CELF6: variants seen among roughly 807,000 people sequenced by gnomAD.
CELF6 encodes CUGBP Elav-like family member 6.
Under a neutral mutation model 53.1 loss-of-function variants are expected in CELF6, and 32 were observed. That is an observed-to-expected ratio of 0.60 (90% CI 0.46 to 0.81). CELF6 has a LOEUF of 0.81. Ranked by LOEUF, CELF6 falls within the 30% of genes least tolerant of loss-of-function variation. CELF6 has a pLI of 0.00. For synonymous variants in CELF6, 291 were observed against 288.8 expected (o/e 1.01, Z -0.08); for missense variants, 539 against 669.5 (o/e 0.81, Z 2.15).
chr15:72,290,388 C>A, intron 3 of CELF6, 133 bp from the exon 4 acceptor site: 1 of 1,109,532 alleles, frequency 9.0e-7, no homozygotes. Flanking sequence ...CCCTGGGCTT[C>A]CAGGGTTGGT....
intron 3 of CELF6, among the ~76,000 whole-genome samples, chr15:72,297,528 A>C (rs1177206909): frequency 6.6e-6 from 1 of 152,254 alleles, no homozygotes; most frequent in African/African-American, 2.4e-5. Context: ...GGATAAACAA[A>C]ATGTGGTATA....
chr15:72,300,361 T>TAA (rs775512638), intron 3 of CELF6, among the ~76,000 whole-genome samples: 3 of 108,900 alleles, frequency 2.8e-5, no homozygotes, highest in Admixed American at 1.9e-4. Flanking sequence ...ACACTGTCTC[T>TAA]AAAAAAAAAA....
At chr15:72,302,931 C>T (rs2088177497) in intron 3 of CELF6, among the ~76,000 whole-genome samples, 1 of 152,188 alleles carries the variant, frequency 6.6e-6, no homozygotes, top group African/African-American at 2.4e-5. Flanking sequence ...CCTGGACTTC[C>T]CCTTGAAAGC....
chr15:72,288,887 A>G lies in CELF6; in HGVS notation c.1074T>C (p.Ala358=). The G allele has an allele frequency of 6.4e-7, 1 of 1,550,910 alleles. No individual in the cohort carries two copies. The highest frequency in any genetic ancestry group is 8.7e-7 in the Non-Finnish European group (1 of 1,147,034). ...GVADPLQQAY[A]GMHHYAAAYP... ...TGAAACCTGCGTAGTGGTGCATCCCAGCGTAGGCCTGCTGCAGGGGGTCAG... is the reference window on the plus strand; with the variant it reads ...TGAAACCTGCGTAGTGGTGCATCCCGGCGTAGGCCTGCTGCAGGGGGTCAG... Residue 358 remains alanine, a synonymous_variant, in exon 9 of 13, where the codon GCT becomes GCC. Transcript: ENST00000287202. The surrounding 1 kb of genome is among the most constrained non-coding windows in gnomAD (Gnocchi z 4.6).
chr15:72,289,718 G>T lies in CELF6; in HGVS notation c.656C>A (p.Ala219Glu). 6.8e-7 allele frequency: 1 copy of T among 1,481,144 alleles called. No individual in the cohort carries two copies. Among genetic ancestry groups the T allele is most frequent in the Non-Finnish European group, 8.9e-7 (1 of 1,124,910 alleles). 91.8% of individuals were successfully genotyped at this position (1,481,144 alleles called of 1,614,324 possible). A position where few individuals can be genotyped will look rare whatever the true frequency, so the allele number is the denominator to read the frequency against. ...GGCCATCTGCTGCATCCGCCGCAGC[G>T]CGCGCTCCCGGTCGGTGTCCGCCAG... ...VKLADTDRER[A>E]LRRMQQMAGH... The change falls in exon 6 of 13, where the codon GCG becomes GAG. Residue 219 changes from alanine (A) to glutamate (E), a missense_variant. Transcript: ENST00000287202. The surrounding 1 kb of genome is among the most constrained non-coding windows in gnomAD (Gnocchi z 7.6).
Position 72,319,500 on chromosome 15 carries a change from T to G in CELF6, c.262+113A>C. The G allele has an allele frequency of 2.6e-6, 3 of 1,174,960 alleles. No individual in the cohort carries two copies. Among genetic ancestry groups the G allele is most frequent in the Non-Finnish European group, 2.3e-6 (2 of 858,338 alleles). 72.8% of individuals were successfully genotyped at this position (1,174,960 alleles called of 1,614,324 possible). On this transcript the variant is annotated intron_variant, in intron 1 of 12. Coordinates refer to ENST00000287202, the MANE Select transcript of CELF6 (RefSeq NM_052840.5). This position sits in a 1 kb window ranked among gnomAD's most constrained non-coding sequence, Gnocchi z 5.0. ...GGGGGCTGGGCTGAGGTGGGGCTGA[T>G]ATTGGACTGGTGTTGGACTGGCTCT... is the stretch of plus-strand genomic sequence containing the variant.
intron 3 of CELF6, among the ~76,000 whole-genome samples, chr15:72,302,922 C>G (rs1231480608): frequency 6.6e-6 from 1 of 152,230 alleles, no homozygotes; most frequent in East Asian, 1.9e-4. Context: ...CACAATTCCC[C>G]TGGACTTCCC....
intron 3 of CELF6, among the ~76,000 whole-genome samples, chr15:72,290,625 C>A (rs2087993149): frequency 1.3e-5 from 2 of 152,168 alleles, no homozygotes; most frequent in South Asian, 4.1e-4. Context: ...TGGACCATTT[C>A]TGTACTATTA....
intron 3 of CELF6, among the ~76,000 whole-genome samples, chr15:72,302,610 A>C (rs1325083961): frequency 2.0e-5 from 3 of 152,222 alleles, no homozygotes; most frequent in Admixed American, 6.5e-5. Context: ...CAAAAGCACT[A>C]TCAGCATGGA....
chr15:72,287,703 G>A (rs1046947491), intron 11 of CELF6, among the ~76,000 whole-genome samples: 13 of 152,336 alleles, frequency 8.5e-5, no homozygotes, highest in African/African-American at 3.1e-4. Flanking sequence ...CAGAACCATA[G>A]TTGGAGTTGG....
chr15:72,288,401 C>T lies in CELF6; in HGVS notation c.1225G>A (p.Asp409Asn). 1 of 1,614,166 alleles carries T rather than the reference C, an allele frequency of 6.2e-7. No individual in the cohort carries two copies. Among genetic ancestry groups the T allele is most frequent in the Non-Finnish European group, 8.5e-7 (1 of 1,180,026 alleles). Residue 409 changes from aspartate to asparagine, a missense_variant, in exon 11 of 13, where the codon GAT (aspartate) becomes AAT (asparagine). By Grantham distance (23) the Asp-to-Asn change is conservative (BLOSUM62 1). This residue lies in a region of CELF6 where 358 missense variants were observed against 412.8 expected (regional missense o/e 0.87). Coordinates refer to ENST00000287202, the MANE Select transcript of CELF6 (RefSeq NM_052840.5). The surrounding 1 kb of genome is among the most constrained non-coding windows in gnomAD (Gnocchi z 4.6). ...AGGAATGTCTGTATGAGTTCCGCATCACCAAACTCCTGAGGCAGGTGATAG... is the reference window on the plus strand; with the variant it reads ...AGGAATGTCTGTATGAGTTCCGCATTACCAAACTCCTGAGGCAGGTGATAG... ...FIYHLPQEFG[D>N]AELIQTFLPF...
intron 3 of CELF6, 147 bp downstream of exon 3, chr15:72,304,599 T>C (rs1356062669): frequency 2.9e-6 from 2 of 689,964 alleles, no homozygotes; most frequent in Admixed American, 5.3e-5. Flanking sequence ...AAGGCTGAGC[T>C]ATTTCTGGGG....
chr15:72,320,134 C>G lies in CELF6; in HGVS notation c.-260G>C, dbSNP rs1422969936. 2 of 639,212 alleles carry G rather than the reference C, an allele frequency of 3.1e-6. No homozygotes were observed. Among genetic ancestry groups the G allele is most frequent in the African/African-American group, 1.8e-5 (1 of 55,258 alleles). 39.6% of individuals were successfully genotyped at this position (639,212 alleles called of 1,614,324 possible). On this transcript the variant is annotated 5_prime_UTR_variant, in exon 1 of 13. Transcript: ENST00000287202. ...TCTGGCTTGAGGTCCCCGTGCGGCT[C>G]TCTCTGGGCTCCCGCCCGAGCTCTC...
chr15:72,306,395 T>C, intron 2 of CELF6: 1 of 679,754 alleles, frequency 1.5e-6, no homozygotes, highest in Non-Finnish European at 1.8e-6. Flanking sequence ...CAGGGGCCAC[T>C]CCATCCCTTA....
chr15:72,310,090 T>G (rs1020891671), intron 2 of CELF6, among the ~76,000 whole-genome samples: 2 of 152,162 alleles, frequency 1.3e-5, no homozygotes, highest in Non-Finnish European at 2.9e-5. Context: ...AATTCCTCCC[T>G]TTGGGCTCAG....
chr15:72,289,665 G>T lies in CELF6; in HGVS notation c.709C>A (p.Pro237Thr). The T allele has an allele frequency of 6.7e-7, 1 of 1,499,898 alleles. No individual in the cohort carries two copies. 92.9% of individuals were successfully genotyped at this position (1,499,898 alleles called of 1,614,324 possible). Reference sequence around the variant, plus strand: ...GCGCCGCAGGCCCCTAGCGGCAGTGGCGCGGGGTGGAAGGCGCCCAGGTGG... The same window carrying T: ...GCGCCGCAGGCCCCTAGCGGCAGTGTCGCGGGGTGGAAGGCGCCCAGGTGG... ...AGHLGAFHPA[P>T]LPLGACGAYT... The change falls in exon 6 of 13, where the codon CCA (proline) becomes ACA (threonine). Residue 237 changes from proline (P) to threonine (T), a missense_variant. Physicochemically the swap from Pro to Thr is conservative, Grantham distance 38 (BLOSUM62 -1). This residue lies in a region of CELF6 where 358 missense variants were observed against 412.8 expected (regional missense o/e 0.87). Transcript: ENST00000287202. The surrounding 1 kb of genome is among the most constrained non-coding windows in gnomAD (Gnocchi z 7.6).
chr15:72,285,794 A>T lies in CELF6; in HGVS notation c.*577T>A, dbSNP rs2087913706. The T allele has an allele frequency of 6.6e-6, 1 of 152,520 alleles. No homozygotes were observed. The highest frequency in any genetic ancestry group is 1.5e-5 in the Non-Finnish European group (1 of 68,008). 9.4% of individuals were successfully genotyped at this position (152,520 alleles called of 1,614,324 possible). A position where few individuals can be genotyped will look rare whatever the true frequency, so the allele number is the denominator to read the frequency against. The stretch of plus-strand genomic sequence containing the variant: ...TATTTTTAAAAGGGCAGGGTGGGGG[A>T]GTGGCTTAAGAGGGAATGAGACACA... On this transcript the variant is annotated 3_prime_UTR_variant, in exon 13 of 13. Transcript: ENST00000287202.
At chr15:72,294,940 T>C (rs1269588929) in intron 3 of CELF6, among the ~76,000 whole-genome samples, 1 of 129,384 alleles carries the variant, frequency 7.7e-6, no homozygotes, top group Non-Finnish European at 1.6e-5. Context: ...ATTGTGCCGC[T>C]GCACTCCTGC....
intron 2 of CELF6, chr15:72,313,677 G>T: frequency 1.3e-6 from 1 of 772,274 alleles, no homozygotes. Context: ...TTCCTTCTGT[G>T]TCTGCACCTT....
Sources: gnomAD v4.1 joint callset for allele counts (sites outside exome capture counted in the v4.1 genomes callset) on GRCh38, gnomAD v4.1.1 for gene constraint, gnomAD v4.1.1 regional missense constraint, Gnocchi (gnomAD v3.1) non-coding constraint, MANE v1.5 for transcripts, NCBI Gene and HGNC (gene_info 2026-07-23, HGNC 2026-07-21) for gene names.